Variants in FAT3 observed in about 807,000 individuals in gnomAD.
FAT3 encodes protocadherin Fat 3.
Under a neutral mutation model 310.2 loss-of-function variants are expected in FAT3, and 95 were observed. The ratio of observed to expected loss-of-function variants is 0.31; its 90% CI spans 0.26 to 0.36. The LOEUF is 0.36. FAT3 is among the 10% of genes least tolerant of loss of function. The pLI is 1.00. For missense variants in FAT3, 5,408 were observed against 5,715.6 expected (o/e 0.95, Z 1.74); for synonymous variants, 2,314 against 2,192.9 (o/e 1.06, Z -1.54).
chr11:92,416,365 C>A (rs1950413059), intron 2 of FAT3, among the ~76,000 whole-genome samples: 2 of 142,512 alleles, frequency 1.4e-5, no homozygotes, highest in Non-Finnish European at 3.0e-5. Context: ...GCCTGGGCGA[C>A]AGGGTGAGAC....
chr11:92,581,906 A>G (rs1938823085), intron 3 of FAT3, among the ~76,000 whole-genome samples: 2 of 152,092 alleles, frequency 1.3e-5, no homozygotes, highest in African/African-American at 2.4e-5. Context: ...GGGTGAGTCC[A>G]TAGAGTAAAG....
chr11:92,507,875 CT>C (rs11295165), intron 2 of FAT3, among the ~76,000 whole-genome samples: 11,230 of 151,952 alleles, frequency 0.074, 1,333 homozygotes, highest in African/African-American at 0.25. Flanking sequence ...TGTATACCCC[CT>C]ATAACCGAAT....
intron 3 of FAT3, among the ~76,000 whole-genome samples, chr11:92,669,506 T>C (rs573879010): frequency 3.9e-5 from 6 of 152,352 alleles, no homozygotes; most frequent in East Asian, 1.9e-4. Context: ...ATCCCTCTTA[T>C]GCCTCTTGAT....
chr11:92,461,810 A>G (rs898803389), intron 2 of FAT3, among the ~76,000 whole-genome samples: 1 of 152,176 alleles, frequency 6.6e-6, no homozygotes, highest in Non-Finnish European at 1.5e-5. Context: ...CGGTGTTTAG[A>G]AGACATCTCT....
chr11:92,612,531 A>G (rs1268519788), intron 3 of FAT3, among the ~76,000 whole-genome samples: 1 of 152,206 alleles, frequency 6.6e-6, no homozygotes, highest in African/African-American at 2.4e-5. Flanking sequence ...TTCAATCAGA[A>G]GACCATTTTT....
At chr11:92,629,791 A>G (rs572153337) in intron 3 of FAT3, among the ~76,000 whole-genome samples, 2 of 151,576 alleles carry the variant, frequency 1.3e-5, no homozygotes, top group African/African-American at 4.8e-5. Context: ...TCTAAATCAG[A>G]CTCCTGCCCC....
intron 3 of FAT3, among the ~76,000 whole-genome samples, chr11:92,626,968 A>G (rs1047505706): frequency 7.9e-5 from 12 of 152,228 alleles, no homozygotes; most frequent in African/African-American, 2.9e-4. Context: ...TTAAGAAAAA[A>G]TGAGTGAATT....
intron 1 of FAT3, among the ~76,000 whole-genome samples, chr11:92,323,220 C>CAT (rs900807760): frequency 7.9e-5 from 12 of 151,486 alleles, no homozygotes; most frequent in Admixed American, 2.0e-4. Context: ...CATATACATA[C>CAT]ATATATATAT....
chr11:92,879,588 T>C (rs1218806839), intron 22 of FAT3, among the ~76,000 whole-genome samples: 1 of 152,214 alleles, frequency 6.6e-6, no homozygotes, highest in Non-Finnish European at 1.5e-5. Context: ...ACTACATGGC[T>C]TAGCTGCAAA....
chr11:92,450,522 G>C (rs1476381052), intron 2 of FAT3, among the ~76,000 whole-genome samples: 2 of 152,150 alleles, frequency 1.3e-5, no homozygotes, highest in African/African-American at 4.8e-5. Flanking sequence ...TTCCTACAAG[G>C]CCTTGGTTCC....
chr11:92,384,274 T>C (rs1949568396), intron 2 of FAT3, among the ~76,000 whole-genome samples: 1 of 152,188 alleles, frequency 6.6e-6, no homozygotes, highest in Non-Finnish European at 1.5e-5. Context: ...CCACCCTCAC[T>C]ACTGCTAAGA....
At chr11:92,531,290 C>G (rs1375414233) in intron 3 of FAT3, among the ~76,000 whole-genome samples, 1 of 152,146 alleles carries the variant, frequency 6.6e-6, no homozygotes, top group Admixed American at 6.6e-5. Flanking sequence ...ACCTTTGCAT[C>G]CACGTGAATG....
intron 13 of FAT3, among the ~76,000 whole-genome samples, chr11:92,818,901 A>C (rs1947890085): frequency 6.6e-6 from 1 of 152,146 alleles, no homozygotes; most frequent in African/African-American, 2.4e-5. Context: ...TTTCTTCTCT[A>C]CTAGTCTTGG....
intron 3 of FAT3, among the ~76,000 whole-genome samples, chr11:92,679,519 C>T (rs900481993): frequency 8.6e-5 from 13 of 151,684 alleles, no homozygotes; most frequent in African/African-American, 3.1e-4. Context: ...TAATATCTTA[C>T]TGTGGTTTAA....
intron 3 of FAT3, among the ~76,000 whole-genome samples, chr11:92,679,841 C>CAAAA (rs71064721): frequency 0.11 from 6,087 of 57,128 alleles, 771 homozygotes; most frequent in Non-Finnish European, 0.13. Flanking sequence ...GACTCCATCT[C>CAAAA]AAAAAAAAAA....
intron 1 of FAT3, among the ~76,000 whole-genome samples, chr11:92,332,281 A>G (rs1238878592): frequency 6.6e-6 from 1 of 152,212 alleles, no homozygotes; most frequent in East Asian, 1.9e-4. Context: ...TTCGGGCCAA[A>G]AAGATTCCAG....
At chr11:92,788,693 GA>G (rs997963059) in intron 7 of FAT3, among the ~76,000 whole-genome samples, 3 of 151,974 alleles carry the variant, frequency 2.0e-5, no homozygotes, top group Non-Finnish European at 4.4e-5. Context: ...AAAAGAAACA[GA>G]AAAAAGGAAA....
chr11:92,496,126 A>C (rs1484956187), intron 2 of FAT3, among the ~76,000 whole-genome samples: 1 of 152,058 alleles, frequency 6.6e-6, no homozygotes, highest in Non-Finnish European at 1.5e-5. Context: ...TGGCCAGCAC[A>C]TAACCACCCT....
At position 92,798,967 on chromosome 11, in the gene FAT3, G is replaced by A. The variant is rs1947252875; in HGVS notation, c.5954G>A (p.Ser1985Asn). Reference protein sequence around the residue: ...AMDSGLHFTQSFYSTSISENN... With the variant: ...AMDSGLHFTQNFYSTSISENN... ...GACAGCGGCCTCCACTTTACACAAA[G>A]CTTCTATTCCACCTCAATCTCAGAG... Residue 1985 changes from serine (S) to asparagine (N), a missense_variant, in exon 10 of 28, where the codon AGC (serine) becomes AAC (asparagine). Ser to Asn is a conservative substitution (Grantham distance 46, BLOSUM62 1). Coordinates refer to ENST00000525166, the MANE Select transcript of FAT3 (RefSeq NM_001367949.2). 3 of 1,613,952 alleles carry A rather than the reference G, an allele frequency of 1.9e-6. No homozygotes were observed. Among genetic ancestry groups the A allele is most frequent in the Non-Finnish European group, 2.5e-6 (3 of 1,179,880 alleles).
Sources: gnomAD v4.1 joint callset for allele counts (sites outside exome capture counted in the v4.1 genomes callset) on GRCh38, gnomAD v4.1.1 for gene constraint, MANE v1.5 for transcripts, NCBI Gene and HGNC (gene_info 2026-07-23, HGNC 2026-07-21) for gene names.